KIF13B: variants seen among roughly 807,000 people sequenced by gnomAD.
KIF13B encodes the protein kinesin-like protein KIF13B.
In KIF13B, 127 loss-of-function variants were observed where a neutral mutation model predicts 222.0. That is an observed-to-expected ratio of 0.57 (90% CI 0.50 to 0.66). KIF13B has a LOEUF of 0.66. KIF13B is among the 30% of genes least tolerant of loss of function. KIF13B has a pLI of 0.00. For missense variants in KIF13B, 2,173 were observed against 2,379.0 expected, an observed-to-expected ratio of 0.91 and a Z score of 1.80; for synonymous variants, 976 against 919.0, an observed-to-expected ratio of 1.06 and a Z score of -1.12.
intron 14 of KIF13B, among the ~76,000 whole-genome samples, chr8:29,151,256 A>C (rs1811284738): frequency 6.6e-6 from 1 of 152,206 alleles, no homozygotes; most frequent in Admixed American, 6.5e-5. Flanking sequence ...GCAACAGAAG[A>C]AAAGTTGGAA....
chr8:29,160,187 G>T (rs560851877), intron 13 of KIF13B, among the ~76,000 whole-genome samples: 4 of 152,268 alleles, frequency 2.6e-5, no homozygotes, highest in African/African-American at 9.6e-5. Flanking sequence ...ACCAATATTT[G>T]TCTTCTTTTC....
intron 2 of KIF13B, among the ~76,000 whole-genome samples, chr8:29,235,294 C>CGTCCA (rs1270233218): frequency 6.6e-6 from 1 of 152,134 alleles, no homozygotes; most frequent in Non-Finnish European, 1.5e-5. Flanking sequence ...ATGCAAATGT[C>CGTCCA]GTCCATCTGC....
intron 2 of KIF13B, among the ~76,000 whole-genome samples, chr8:29,224,770 A>G (rs970146807): frequency 6.6e-6 from 1 of 152,092 alleles, no homozygotes; most frequent in South Asian, 2.1e-4. Context: ...GTGTACGCGT[A>G]ATTAGGATAT....
At chr8:29,170,492 C>G (rs1812189201) in intron 10 of KIF13B, among the ~76,000 whole-genome samples, 1 of 152,118 alleles carries the variant, frequency 6.6e-6, no homozygotes, top group Non-Finnish European at 1.5e-5. Context: ...AAACAAACAG[C>G]AGAGAGCCAA....
intron 8 of KIF13B, among the ~76,000 whole-genome samples, chr8:29,178,236 A>G (rs557664688): frequency 6.6e-6 from 1 of 152,282 alleles, no homozygotes; most frequent in East Asian, 1.9e-4. Flanking sequence ...AATTTCATGG[A>G]TATTTATCAA....
intron 2 of KIF13B, among the ~76,000 whole-genome samples, chr8:29,233,541 C>G (rs1037301566): frequency 6.6e-6 from 1 of 152,204 alleles, no homozygotes; most frequent in Non-Finnish European, 1.5e-5. Flanking sequence ...TTTTAATTAA[C>G]CTGTGCTAGC....
intron 15 of KIF13B, among the ~76,000 whole-genome samples, chr8:29,149,238 A>T (rs946695139): frequency 6.6e-6 from 1 of 152,260 alleles, no homozygotes; most frequent in African/African-American, 2.4e-5. Context: ...CCAAACGATG[A>T]GGGTTTTGAA....
chr8:29,259,125 G>A (rs1158028878), intron 1 of KIF13B, among the ~76,000 whole-genome samples: 4 of 151,870 alleles, frequency 2.6e-5, no homozygotes, highest in East Asian at 1.9e-4. Flanking sequence ...CAGAGAAAAC[G>A]ATCTTCCTTG....
At chr8:29,107,761 C>G (rs999508880) in intron 35 of KIF13B, among the ~76,000 whole-genome samples, 4 of 151,944 alleles carry the variant, frequency 2.6e-5, no homozygotes, top group Non-Finnish European at 5.9e-5. Context: ...GGGGTTTCAC[C>G]GTGTTAGCCA....
chr8:29,072,904 G>C (rs1448229946), intron 38 of KIF13B, among the ~76,000 whole-genome samples: 1 of 152,062 alleles, frequency 6.6e-6, no homozygotes, highest in African/African-American at 2.4e-5. Flanking sequence ...AAGAGACTGA[G>C]TCACTAAAGA....
At chr8:29,104,468 C>A (rs1808952271) in intron 35 of KIF13B, among the ~76,000 whole-genome samples, 1 of 152,194 alleles carries the variant, frequency 6.6e-6, no homozygotes, top group Non-Finnish European at 1.5e-5. Flanking sequence ...CAACTCAAAA[C>A]CATTTTTCCC....
intron 37 of KIF13B, among the ~76,000 whole-genome samples, chr8:29,086,011 G>T (rs1034181818): frequency 6.6e-6 from 1 of 151,972 alleles, no homozygotes; most frequent in Non-Finnish European, 1.5e-5. Context: ...CTTGGTGCTG[G>T]TATCCCTTGA....
intron 10 of KIF13B, among the ~76,000 whole-genome samples, chr8:29,174,367 A>C (rs1346100471): frequency 1.3e-5 from 2 of 152,236 alleles, no homozygotes; most frequent in African/African-American, 4.8e-5. Flanking sequence ...AAAAAAAACT[A>C]CAAAACATTT....
intron 1 of KIF13B, among the ~76,000 whole-genome samples, chr8:29,257,702 A>T (rs1156759107): frequency 2.0e-5 from 3 of 152,190 alleles, no homozygotes; most frequent in African/African-American, 7.2e-5. Context: ...ACTCCACAGC[A>T]GGCTGCAGCA....
intron 2 of KIF13B, among the ~76,000 whole-genome samples, chr8:29,222,598 T>C (rs1035700315): frequency 1.3e-4 from 19 of 149,200 alleles, no homozygotes; most frequent in African/African-American, 3.5e-4. Context: ...TGGTCAAATA[T>C]TATTTTTAAT....
intron 2 of KIF13B, among the ~76,000 whole-genome samples, chr8:29,214,540 T>C (rs995138926): frequency 1.3e-5 from 2 of 152,340 alleles, no homozygotes; most frequent in African/African-American, 4.8e-5. Flanking sequence ...GTGATAACAG[T>C]GCCTTCTTTT....
chr8:29,087,720 T>C (rs909103737), intron 37 of KIF13B, among the ~76,000 whole-genome samples: 2 of 152,116 alleles, frequency 1.3e-5, no homozygotes, highest in African/African-American at 4.8e-5. Context: ...ATTTCTGGAC[T>C]CCTCACTTTA....
In KIF13B at chr8:29,092,853, G is replaced by A; in HGVS notation, c.4350C>T (p.Tyr1450=). ...DPGLSNLAAS[Y]LNPVKSFVPQ... is the part of the protein sequence containing the mutation. ...GCACGAAGGATTTGACAGGATTCAA[G>A]TAGGATGCTGCAAGGTTACTGAGTC... The change falls in exon 37 of 40, where the codon TAC becomes TAT. Residue 1450 remains tyrosine, a synonymous_variant. Transcript: ENST00000524189. 1 of 1,611,820 alleles carries A rather than the reference G, an allele frequency of 6.2e-7. No homozygotes were observed. Among genetic ancestry groups the A allele is most frequent in the South Asian group, 1.1e-5 (1 of 90,482 alleles).
At chr8:29,116,050 C>G (rs1351187511) in intron 31 of KIF13B, among the ~76,000 whole-genome samples, 1 of 152,216 alleles carries the variant, frequency 6.6e-6, no homozygotes, top group African/African-American at 2.4e-5. Context: ...CACAAATCAA[C>G]TTGGCTCTTT....
Sources: allele counts gnomAD v4.1 joint callset (sites outside exome capture counted in the v4.1 genomes callset), GRCh38; gene constraint gnomAD v4.1.1; transcripts MANE v1.5; gene names NCBI Gene and HGNC (gene_info 2026-07-23, HGNC 2026-07-21).